Variants in ZNF140 observed in about 807,000 individuals in gnomAD.
ZNF140 encodes zinc finger protein 140 (clone pHZ-39).
ZNF140 carries 13 observed loss-of-function variants against 12.9 expected under a neutral mutation model. The observed-to-expected ratio is 1.01, with a 90% CI of 0.66 to 1.60. ZNF140 has a LOEUF of 1.60. ZNF140 is among the 40% of genes most tolerant of loss of function. ZNF140 has a pLI of 0.00. For synonymous variants in ZNF140, 214 were observed against 186.7 expected (o/e 1.15, Z -1.19); for missense variants, 531 against 548.8 (o/e 0.97, Z 0.32).
intron 4 of ZNF140, among the ~76,000 whole-genome samples, chr12:133,085,087 C>T (rs1163389082): frequency 1.3e-5 from 2 of 151,568 alleles, no homozygotes; most frequent in Non-Finnish European, 2.9e-5. Context: ...TGCGATGGCG[C>T]GATCTCAGCT....
intron 4 of ZNF140, chr12:133,093,295 G>A (rs755604510): frequency 1.7e-6 from 1 of 603,564 alleles, no homozygotes; most frequent in African/African-American, 1.9e-5. Flanking sequence ...CATAGGCCCA[G>A]TAAGTATAGT....
intron 4 of ZNF140, among the ~76,000 whole-genome samples, chr12:133,097,126 C>T (rs1033849061): frequency 6.6e-6 from 1 of 152,152 alleles, no homozygotes; most frequent in Non-Finnish European, 1.5e-5. Flanking sequence ...TTTAACCTTG[C>T]TCTGAAGTCT....
At chr12:133,080,525 C>T (rs1483319547), upstream of ZNF140, 1 of 152,290 alleles carries the variant, frequency 6.6e-6, no homozygotes, top group African/African-American at 2.4e-5. Flanking sequence ...GGCCGCGAGA[C>T]ACTCTGGCAG....
intron 4 of ZNF140, among the ~76,000 whole-genome samples, chr12:133,097,818 C>CGTGTGTGTGTGTGTGTGTGT (rs1377287336): frequency 0.052 from 5,515 of 106,394 alleles, 175 homozygotes; most frequent in Non-Finnish European, 0.075. Flanking sequence ...CACATCTAAC[C>CGTGTGTGTGTGTGTGTGTGT]ATGTGTGTGT....
chr12:133,100,509 T>C (rs1381185716), intron 4 of ZNF140, among the ~76,000 whole-genome samples: 1 of 152,170 alleles, frequency 6.6e-6, no homozygotes, highest in Non-Finnish European at 1.5e-5. Flanking sequence ...TATGCACTTG[T>C]GGTTGCAACT....
At chr12:133,080,547 C>G (rs1410544941), upstream of ZNF140, 2 of 152,208 alleles carry the variant, frequency 1.3e-5, no homozygotes, top group Non-Finnish European at 2.9e-5. Flanking sequence ...TATAGGAACA[C>G]AAAGGTCTGT....
chr12:133,081,372 A>ATATATATATATAT (rs1954490088), intron 2 of ZNF140, 43 bp downstream of exon 2: 21 of 108,566 alleles, frequency 1.9e-4, no homozygotes, highest in African/African-American at 4.9e-4. Flanking sequence ...TATATATATA[A>ATATATATATATAT]ATTTTTATTT....
chr12:133,100,170 T>G (rs1357313756), intron 4 of ZNF140, among the ~76,000 whole-genome samples: 1 of 135,790 alleles, frequency 7.4e-6, no homozygotes, highest in African/African-American at 2.9e-5. Context: ...GTTTTTTTTT[T>G]TTTTTTTTTT....
intron 2 of ZNF140, chr12:133,081,596 C>T (rs1954505333): frequency 4.4e-6 from 2 of 454,264 alleles, no homozygotes; most frequent in Admixed American, 4.7e-5. Context: ...GACCCTGTCC[C>T]TTGTTCCTCC....
At chr12:133,093,229 T>A (rs1954952438) in intron 4 of ZNF140, among the ~76,000 whole-genome samples, 1 of 151,282 alleles carries the variant, frequency 6.6e-6, no homozygotes, top group African/African-American at 2.4e-5. Flanking sequence ...TATTAACGTA[T>A]ACTTCAATAG....
intron 4 of ZNF140, among the ~76,000 whole-genome samples, chr12:133,096,002 A>T (rs1185180474): frequency 1.3e-5 from 2 of 151,046 alleles, no homozygotes; most frequent in Non-Finnish European, 1.5e-5. Flanking sequence ...TCTCAACTGC[A>T]AGAGGCTTTC....
intron 4 of ZNF140, among the ~76,000 whole-genome samples, chr12:133,095,887 TA>T (rs1566313616): frequency 6.6e-6 from 1 of 151,910 alleles, no homozygotes; most frequent in East Asian, 1.9e-4. Context: ...CCTCCCACCA[TA>T]GGGCGGTTTT....
chr12:133,084,459 C>G lies in ZNF140; in HGVS notation c.232+898C>G, dbSNP rs73425957. Reference sequence around the variant, plus strand: ...GTAATAACTATCAAGGAATTCATGGCCTAGTGATGTGTCTAAATAGCTTGC... The same window carrying G: ...GTAATAACTATCAAGGAATTCATGGGCTAGTGATGTGTCTAAATAGCTTGC... On this transcript the variant is annotated intron_variant, in intron 4 of 4. Transcript: ENST00000355557. 4.2e-3 allele frequency among the ~76,000 whole-genome samples: 643 copies of G among 152,256 alleles called. 4 individuals carry two copies. Among genetic ancestry groups the G allele is most frequent in the African/African-American group, 0.015 (621 of 41,560 alleles).
chr12:133,090,834 A>G (rs112107214), intron 4 of ZNF140, among the ~76,000 whole-genome samples: 12,195 of 122,302 alleles, frequency 0.1, 1,078 homozygotes, highest in African/African-American at 0.2. Context: ...GGTTTAAGGG[A>G]AGGTACTATG....
chr12:133,084,132 A>G (rs632610), intron 4 of ZNF140: 201,340 of 421,634 alleles, frequency 0.48, 51,138 homozygotes, highest in East Asian at 0.77. Flanking sequence ...TTTTGTTCCC[A>G]TTGTTAGTTC....
At chr12:133,100,167 T>TTTTTG (rs1955289697) in intron 4 of ZNF140, among the ~76,000 whole-genome samples, 1 of 133,776 alleles carries the variant, frequency 7.5e-6, no homozygotes, top group African/African-American at 3.0e-5. Flanking sequence ...TCCGTTTTTT[T>TTTTTG]TTTTTTTTTT....
Position 133,105,845 on chromosome 12 carries a change from G to A in ZNF140, c.568G>A (p.Ala190Thr). 1 of 1,614,182 alleles carries A rather than the reference G, an allele frequency of 6.2e-7. No individual in the cohort carries two copies. The highest frequency in any genetic ancestry group is 1.3e-5 in the African/African-American group (1 of 75,054). ...QRTHTGEKPY[A>T]CKECGKTFSQ... ...GACTCATACTGGAGAGAAACCATAT[G>A]CATGTAAGGAATGTGGCAAAACCTT... The change falls in exon 5 of 5, where the codon GCA (alanine) becomes ACA (threonine). Residue 190 changes from alanine to threonine, a missense_variant. Coordinates refer to ENST00000355557, the MANE Select transcript of ZNF140 (RefSeq NM_003440.4).
intron 4 of ZNF140, among the ~76,000 whole-genome samples, chr12:133,086,645 G>T (rs1954685766): frequency 6.6e-6 from 1 of 151,954 alleles, no homozygotes; most frequent in South Asian, 2.1e-4. Context: ...CTTAATTTTA[G>T]TGTAGTCAGA....
At chr12:133,083,993 C>G (rs1397195995) in intron 4 of ZNF140, 1 of 286,394 alleles carries the variant, frequency 3.5e-6, no homozygotes, top group African/African-American at 2.3e-5. Flanking sequence ...GGTATAAAGA[C>G]TGAAGTTTCA....
Sources: gnomAD v4.1 joint callset for allele counts (sites outside exome capture counted in the v4.1 genomes callset) on GRCh38, gnomAD v4.1.1 for gene constraint, MANE v1.5 for transcripts, NCBI Gene and HGNC (gene_info 2026-07-23, HGNC 2026-07-21) for gene names.